GABRA2: variants seen among roughly 807,000 people sequenced by gnomAD.
GABRA2 encodes the protein gamma-aminobutyric acid type A receptor subunit alpha2, also known as gamma-aminobutyric acid receptor subunit alpha-2.
In GABRA2, 16 loss-of-function variants were observed where a neutral mutation model predicts 48.7. That is an observed-to-expected ratio of 0.33 (90% CI 0.22 to 0.50). The LOEUF (loss-of-function observed/expected upper bound fraction) is 0.50, where lower values mean the gene tolerates loss of function less well. GABRA2 is among the 20% of genes least tolerant of loss of function. GABRA2 has a pLI of 0.98. For synonymous variants in GABRA2, 185 were observed against 184.5 expected (o/e 1.00, Z -0.02); for missense variants, 275 against 535.6 (o/e 0.51, Z 4.80).
rs1477529570 is a variant in GABRA2 at position 46,247,618 on chromosome 4, A to C, written c.*2690T>G. ...ACTCTTTATGTCATTGTACAACTGC[A>C]TAAAATAGGTATAATCTTATGGGCC... On this transcript the variant is annotated 3_prime_UTR_variant, in exon 10 of 10. Coordinates refer to ENST00000381620, the MANE Select transcript of GABRA2 (RefSeq NM_000807.4). Among the ~76,000 whole-genome samples, 1 of 151,308 alleles carries C rather than the reference A, an allele frequency of 6.6e-6. No individual in the cohort carries two copies. The highest frequency in any genetic ancestry group is 6.6e-5 in the Admixed American group (1 of 15,114).
At chr4:46,376,627 C>T (rs568476520) in intron 3 of GABRA2, among the ~76,000 whole-genome samples, 1 of 152,274 alleles carries the variant, frequency 6.6e-6, no homozygotes, top group Non-Finnish European at 1.5e-5. Flanking sequence ...TGGGTCATGC[C>T]TGTTATCCCA....
chr4:46,314,783 C>G (rs1578016962), intron 4 of GABRA2, among the ~76,000 whole-genome samples: 1 of 152,070 alleles, frequency 6.6e-6, no homozygotes. Flanking sequence ...ATAATGGCTT[C>G]CAGCTGCATC....
chr4:46,294,852 G>A (rs1724344001), intron 8 of GABRA2, among the ~76,000 whole-genome samples: 3 of 151,980 alleles, frequency 2.0e-5, no homozygotes, highest in African/African-American at 7.3e-5. Flanking sequence ...ATAATGAACC[G>A]GGTGCTTTCT....
intron 3 of GABRA2, 35 bp from the exon 4 acceptor site, chr4:46,332,717 T>C (rs1185756377): frequency 1.6e-6 from 2 of 1,217,222 alleles, no homozygotes; most frequent in South Asian, 1.2e-5. Context: ...ATAGATATTA[T>C]ATAATAAGAG....
chr4:46,333,911 T>G (rs1464025886), intron 3 of GABRA2, among the ~76,000 whole-genome samples: 1 of 152,134 alleles, frequency 6.6e-6, no homozygotes, highest in Non-Finnish European at 1.5e-5. Flanking sequence ...CCATAGTCAA[T>G]TATAAACTTA....
intron 4 of GABRA2, among the ~76,000 whole-genome samples, chr4:46,320,015 C>G (rs975042248): frequency 1.1e-4 from 17 of 151,716 alleles, no homozygotes; most frequent in African/African-American, 3.9e-4. Context: ...TTCTGTGTTT[C>G]TAAATACCAT....
intron 3 of GABRA2, among the ~76,000 whole-genome samples, chr4:46,383,706 A>G (rs150013951): frequency 3.3e-5 from 5 of 152,308 alleles, no homozygotes; most frequent in African/African-American, 1.2e-4. Context: ...TTCAGTTAAG[A>G]AAGATCTTTA....
chr4:46,281,432 T>C (rs568826472), intron 8 of GABRA2, among the ~76,000 whole-genome samples: 1 of 152,244 alleles, frequency 6.6e-6, no homozygotes, highest in East Asian at 1.9e-4. Context: ...TGGGAAAAGA[T>C]AGGGACCAGC....
intron 8 of GABRA2, among the ~76,000 whole-genome samples, chr4:46,280,422 A>G (rs1721305668): frequency 6.6e-6 from 1 of 151,922 alleles, no homozygotes; most frequent in Non-Finnish European, 1.5e-5. Flanking sequence ...GGGAAAGAGC[A>G]AGGGATAGGA....
intron 3 of GABRA2, among the ~76,000 whole-genome samples, chr4:46,344,005 C>T (rs115291724): frequency 6.6e-6 from 1 of 151,772 alleles, no homozygotes; most frequent in Non-Finnish European, 1.5e-5. Context: ...GACAGGAGTA[C>T]AGAACAATGC....
At chr4:46,266,387 A>G (rs1427865827) in intron 8 of GABRA2, among the ~76,000 whole-genome samples, 1 of 148,832 alleles carries the variant, frequency 6.7e-6, no homozygotes, top group Non-Finnish European at 1.5e-5. Flanking sequence ...ACTTTTTAAT[A>G]TTTTATTTTA....
At chr4:46,310,134 T>A (rs1245339926) in intron 6 of GABRA2, 39 bp downstream of exon 6, 3 of 1,483,600 alleles carry the variant, frequency 2.0e-6, no homozygotes. Flanking sequence ...TTCCCTGATA[T>A]TATTGACCCA....
chr4:46,357,987 A>C (rs184056040), intron 3 of GABRA2, among the ~76,000 whole-genome samples: 5 of 152,238 alleles, frequency 3.3e-5, no homozygotes, highest in Admixed American at 3.3e-4. Context: ...AAATTGAAAT[A>C]GTCCTAGGAC....
chr4:46,382,950 A>G (rs559738506), intron 3 of GABRA2, among the ~76,000 whole-genome samples: 1 of 152,300 alleles, frequency 6.6e-6, no homozygotes, highest in South Asian at 2.1e-4. Context: ...CATTAAAATC[A>G]AATTGAGCCC....
intron 4 of GABRA2, among the ~76,000 whole-genome samples, chr4:46,313,747 T>G (rs1468223467): frequency 1.3e-5 from 2 of 152,130 alleles, no homozygotes; most frequent in African/African-American, 4.8e-5. Flanking sequence ...ATAATTGAAA[T>G]GCTCAATTAC....
At chr4:46,267,214 T>C (rs1489687991) in intron 8 of GABRA2, among the ~76,000 whole-genome samples, 1 of 152,080 alleles carries the variant, frequency 6.6e-6, no homozygotes, top group African/African-American at 2.4e-5. Context: ...ATTTTTCTTT[T>C]TGGACTGTTT....
At chr4:46,271,708 A>G (rs1000997422) in intron 8 of GABRA2, among the ~76,000 whole-genome samples, 4 of 151,998 alleles carry the variant, frequency 2.6e-5, no homozygotes, top group African/African-American at 7.2e-5. Flanking sequence ...AATAATGTGG[A>G]CAACACTGTT....
chr4:46,269,014 A>G (rs921386423), intron 8 of GABRA2, among the ~76,000 whole-genome samples: 4 of 151,874 alleles, frequency 2.6e-5, no homozygotes, highest in Non-Finnish European at 5.9e-5. Flanking sequence ...CAGTGAGAAG[A>G]ATGGTAGTCA....
chr4:46,316,075 A>C (rs988409867), intron 4 of GABRA2, among the ~76,000 whole-genome samples: 15 of 151,860 alleles, frequency 9.9e-5, no homozygotes, highest in Admixed American at 4.6e-4. Context: ...TACTCATGGC[A>C]ATATATCTAG....
Sources: gnomAD v4.1 joint callset for allele counts (sites outside exome capture counted in the v4.1 genomes callset) on GRCh38, gnomAD v4.1.1 for gene constraint, MANE v1.5 for transcripts, NCBI Gene and HGNC (gene_info 2026-07-23, HGNC 2026-07-21) for gene names.